DOK7: variants seen among roughly 807,000 people sequenced by gnomAD.
DOK7 encodes docking protein 7.
A neutral mutation model predicts 30.7 loss-of-function variants in DOK7; 32 were observed. The observed-to-expected ratio is 1.04, with a 90% CI of 0.79 to 1.40. DOK7 has a LOEUF of 1.40. DOK7 is among the 40% of genes most tolerant of loss of function. DOK7 has a pLI of 0.00. For synonymous variants in DOK7, 447 were observed against 324.1 expected (o/e 1.38, Z -4.07); for missense variants, 1,007 against 699.2 (o/e 1.44, Z -4.97).
At position 3,493,216 on chromosome 4, in the gene DOK7, C is replaced by T; in HGVS notation, c.1230C>T (p.Ser410=). Residue 410 remains serine, a synonymous_variant, in exon 7 of 7, where the codon AGC becomes AGT. Coordinates refer to ENST00000340083, the MANE Select transcript of DOK7 (RefSeq NM_173660.5). ...SLRAHYDTPR[S]LCLAPRDHSP... Reference sequence around the variant, plus strand: ...GGGCCCACTATGACACACCACGCAGCCTTTGCCTGGCTCCTAGAGACCACA... The same window carrying T: ...GGGCCCACTATGACACACCACGCAGTCTTTGCCTGGCTCCTAGAGACCACA... 6 of 1,611,956 alleles carry T rather than the reference C, an allele frequency of 3.7e-6. 1 individual carries two copies. The highest frequency in any genetic ancestry group is 4.2e-6 in the Non-Finnish European group (5 of 1,179,670).
At position 3,473,513 on chromosome 4, in the gene DOK7, C is replaced by A. The variant is rs539190403; in HGVS notation, c.208C>A (p.Pro70Thr). The A allele has an allele frequency of 1.2e-4, 194 of 1,611,154 alleles. 4 individuals carry two copies. The South Asian group carries it at 2.1e-3, about 17-fold the overall frequency. ...CATCTGCGGGCTGGAGCCCGGCCTG[C>A]CCTACGAGGGCCTGGTCCACACGCT... The part of the protein sequence containing the change: ...EDICGLEPGL[P>T]YEGLVHTLAI... Residue 70 changes from proline (P) to threonine (T), a missense_variant, in exon 3 of 7, where the codon CCC becomes ACC. Pro to Thr is a conservative substitution (Grantham distance 38). Coordinates refer to ENST00000340083, the MANE Select transcript of DOK7 (RefSeq NM_173660.5).
At chr4:3,494,666 CCGGG>C (rs1728801706), downstream of DOK7, among the ~76,000 whole-genome samples, 1 of 117,264 alleles carries the variant, frequency 8.5e-6, no homozygotes, top group African/African-American at 3.2e-5. Flanking sequence ...AGAGGCAGCT[CCGGG>C]CAGCCCCCGG....
At position 3,493,103 on chromosome 4, in the gene DOK7, C is replaced by T; in HGVS notation, c.1117C>T (p.Leu373Phe). Residue 373 changes from leucine to phenylalanine, a missense_variant, in exon 7 of 7, where the codon CTC becomes TTC. By Grantham distance (22) the Leu-to-Phe change is conservative (BLOSUM62 0). Coordinates refer to ENST00000340083, the MANE Select transcript of DOK7 (RefSeq NM_173660.5). ...WRATDELGSLLSLPAAGAPEP... is the reference protein window; with the variant it reads ...WRATDELGSLFSLPAAGAPEP... ...GGCCACAGATGAACTGGGCTCACTG[C>T]TCAGCCTGCCAGCAGCGGGGGCCCC... The T allele has an allele frequency of 1.3e-6, 2 of 1,582,894 alleles. No individual in the cohort carries two copies. Among genetic ancestry groups the T allele is most frequent in the South Asian group, 1.1e-5 (1 of 87,784 alleles).
chr4:3,500,781 GAGC>G, exon 8 of DOK7: 9 of 1,534,426 alleles, frequency 5.9e-6, no homozygotes, highest in Non-Finnish European at 7.0e-6. Context: ...GGCCCGGGAG[GAGC>G]AGCTGTCGGA....
intron 2 of DOK7, among the ~76,000 whole-genome samples, chr4:3,471,992 G>T (rs1726791789): frequency 6.6e-6 from 1 of 152,260 alleles, no homozygotes; most frequent in African/African-American, 2.4e-5. Context: ...GTCTACACAG[G>T]GTCTGAGGCT....
chr4:3,477,879 G>A (rs1199773262), intron 4 of DOK7, among the ~76,000 whole-genome samples: 5 of 152,184 alleles, frequency 3.3e-5, no homozygotes, highest in Non-Finnish European at 5.9e-5. Flanking sequence ...ACCTGTCGGG[G>A]TCCCATCTGC....
chr4:3,490,408 CCCCCCCCACCG>C (rs1560226875), intron 6 of DOK7, among the ~76,000 whole-genome samples: 10 of 68,062 alleles, frequency 1.5e-4, no homozygotes, highest in Non-Finnish European at 2.3e-4. Flanking sequence ...CCTTCTTTCA[CCCCCCCCACCG>C]CCCCGCTCAT....
rs774716969 is a variant in DOK7, at chr4:3,493,388, G to T, written c.1402G>T (p.Gly468Cys). ...APQGSEATLPGPAPGEPWEAG... is the reference protein window; with the variant it reads ...APQGSEATLPCPAPGEPWEAG... ...CCAGGGCAGCGAGGCCACACTGCCT[G>T]GCCCTGCCCCTGGCGAGCCCTGGGA... Residue 468 changes from glycine (G) to cysteine (C), a missense_variant, in exon 7 of 7, where the codon GGC (glycine) becomes TGC (cysteine). Coordinates refer to ENST00000340083, the MANE Select transcript of DOK7 (RefSeq NM_173660.5). The T allele has an allele frequency of 6.3e-7, 1 of 1,595,036 alleles. No homozygotes were observed. The highest frequency in any genetic ancestry group is 8.5e-7 in the Non-Finnish European group (1 of 1,171,282).
At chr4:3,489,994 TG>T in intron 6 of DOK7, among the ~76,000 whole-genome samples, 198 bp downstream of exon 6, 1 of 138,232 alleles carries the variant, frequency 7.2e-6, no homozygotes, top group African/African-American at 2.7e-5. Context: ...CCCACCACCC[TG>T]CTCATTCCTT....
At chr4:3,475,213 G>T (rs966006281) in intron 3 of DOK7, among the ~76,000 whole-genome samples, 5 of 152,220 alleles carry the variant, frequency 3.3e-5, no homozygotes, top group Non-Finnish European at 7.3e-5. Context: ...CCCGTTGGGG[G>T]TTCCCTCCAG....
chr4:3,481,357 C>G (rs955128364), intron 4 of DOK7, among the ~76,000 whole-genome samples: 1 of 151,944 alleles, frequency 6.6e-6, no homozygotes, highest in East Asian at 1.9e-4. Context: ...GCAGCAGCTG[C>G]CTGGTTGGGG....
intron 5 of DOK7, among the ~76,000 whole-genome samples, chr4:3,487,800 G>A (rs535638251): frequency 1.6e-4 from 25 of 152,314 alleles, no homozygotes; most frequent in African/African-American, 2.2e-4. Context: ...GCCACTCTCC[G>A]TCCCACCTGT....
At chr4:3,477,772 T>C (rs1727189026) in intron 4 of DOK7, among the ~76,000 whole-genome samples, 2 of 147,900 alleles carry the variant, frequency 1.4e-5, no homozygotes, top group African/African-American at 5.1e-5. Flanking sequence ...CCCTCTGGGA[T>C]TGGAGAGCCA....
intron 2 of DOK7, among the ~76,000 whole-genome samples, chr4:3,468,226 CTG>C (rs1726436321): frequency 6.8e-6 from 1 of 147,362 alleles, no homozygotes; most frequent in East Asian, 2.1e-4. Flanking sequence ...ATGTGAATAC[CTG>C]TGTGGGGGTG....
At chr4:3,500,098 C>A (rs551831871) in intron 6 of DOK7, among the ~76,000 whole-genome samples, 204 of 151,720 alleles carry the variant, frequency 1.3e-3, no homozygotes, top group Middle Eastern at 3.4e-3. Context: ...CAAAGATGGA[C>A]GGTCAGGAAC....
At chr4:3,491,298 C>T (rs1401604698) in intron 6 of DOK7, among the ~76,000 whole-genome samples, 269 of 130,814 alleles carry the variant, frequency 2.1e-3, no homozygotes, top group African/African-American at 7.7e-3. Flanking sequence ...CCCCCCCGCT[C>T]ATTCATTCCT....
rs764824461 is a variant in DOK7, at chr4:3,463,421, G to C, written c.46G>C (p.Gly16Arg). ...GGAGGGCCAGGTCAAGCTGCGGGAC[G>C]GCAAGAAGGTCGGGGCGCGTCGGGG... ...LVEGQVKLRDGKKWKSRWLVL... is the reference protein window; with the variant it reads ...LVEGQVKLRDRKKWKSRWLVL... The change falls in exon 1 of 7, where the codon GGC (glycine) becomes CGC (arginine). Residue 16 changes from glycine to arginine, a missense_variant. Coordinates refer to ENST00000340083, the MANE Select transcript of DOK7 (RefSeq NM_173660.5). 22 of 1,455,712 alleles carry C rather than the reference G, an allele frequency of 1.5e-5. No individual in the cohort carries two copies. The highest frequency in any genetic ancestry group is 2.0e-5 in the Non-Finnish European group (22 of 1,109,878). The allele number at this position is 1,455,712 out of a possible 1,614,324, so 90.2% of individuals were successfully genotyped here. A position where few individuals can be genotyped will look rare whatever the true frequency, so the allele number is the denominator to read the frequency against.
rs554626127 is a variant in DOK7, at chr4:3,489,919, G to A, written c.772+123G>A. On this transcript the variant is annotated intron_variant, in intron 6 of 6. Transcript: ENST00000340083. Reference sequence around the variant, plus strand: ...CTCTGCTCATTCATTCATTCCTTCTGTCTCCTGCTCATTCATTCTTCCCCC... The same window carrying A: ...CTCTGCTCATTCATTCATTCCTTCTATCTCCTGCTCATTCATTCTTCCCCC... 1.4e-4 allele frequency: 196 copies of A among 1,416,758 alleles called. 1 individual carries two copies. In the African/African-American group the frequency reaches 2.3e-3, roughly 17 times the overall value. The allele number at this position is 1,416,758 out of a possible 1,614,324, so 87.8% of individuals were successfully genotyped here.
At chr4:3,479,054 C>G (rs970054790) in intron 4 of DOK7, among the ~76,000 whole-genome samples, 1 of 152,192 alleles carries the variant, frequency 6.6e-6, no homozygotes. Flanking sequence ...GTGTCCAGAA[C>G]GGGTTCCTTC....
Sources: allele counts gnomAD v4.1 joint callset (sites outside exome capture counted in the v4.1 genomes callset), GRCh38; gene constraint gnomAD v4.1.1; transcripts MANE v1.5; gene names NCBI Gene and HGNC (gene_info 2026-07-23, HGNC 2026-07-21).